Variants in TEX36 observed in about 807,000 individuals in gnomAD.
TEX36 encodes testis-expressed protein 36.
Under a neutral mutation model 13.6 loss-of-function variants are expected in TEX36, and 12 were observed. That is an observed-to-expected ratio of 0.88 (90% CI 0.56 to 1.43). TEX36 has a LOEUF of 1.43. TEX36 is among the 40% of genes most tolerant of loss of function. The pLI is 0.00. For missense variants in TEX36, 224 were observed against 228.3 expected (o/e 0.98, Z 0.12); for synonymous variants, 93 against 83.0 (o/e 1.12, Z -0.65).
intron 3 of TEX36, among the ~76,000 whole-genome samples, chr10:125,642,219 G>A (rs1404531620): frequency 6.6e-6 from 1 of 152,206 alleles, no homozygotes; most frequent in Non-Finnish European, 1.5e-5. Flanking sequence ...GGAGAACAAA[G>A]CTCCTACATG....
chr10:125,625,915 G>A (rs1179040165), intron 3 of TEX36, among the ~76,000 whole-genome samples: 1 of 152,206 alleles, frequency 6.6e-6, no homozygotes, highest in Non-Finnish European at 1.5e-5. Flanking sequence ...GGTTCTGTCG[G>A]AGTTGGTATA....
downstream of TEX36, among the ~76,000 whole-genome samples, chr10:125,618,201 A>C (rs1250429667): frequency 1.3e-5 from 2 of 151,838 alleles, no homozygotes; most frequent in African/African-American, 2.4e-5. Flanking sequence ...AATTTTTTTC[A>C]AAGTTTTCAA....
chr10:125,617,450 C>T (rs1029844364), downstream of TEX36, among the ~76,000 whole-genome samples: 6 of 152,146 alleles, frequency 3.9e-5, no homozygotes, highest in Non-Finnish European at 1.5e-5. Context: ...ATGCTTAGCG[C>T]TTCCTTCAGG....
intron 3 of TEX36, among the ~76,000 whole-genome samples, chr10:125,615,385 T>A (rs536733205): frequency 6.6e-6 from 1 of 152,252 alleles, no homozygotes; most frequent in South Asian, 2.1e-4. Context: ...ATACTTCCAG[T>A]TTTTGCCCAT....
chr10:125,589,427 C>G (rs1845996772), intron 3 of TEX36, among the ~76,000 whole-genome samples: 1 of 152,106 alleles, frequency 6.6e-6, no homozygotes, highest in Non-Finnish European at 1.5e-5. Context: ...TGTCTTATAC[C>G]TGACTTTAAG....
intron 1 of TEX36, among the ~76,000 whole-genome samples, chr10:125,678,668 T>C (rs1341305342): frequency 6.6e-6 from 1 of 152,110 alleles, no homozygotes; most frequent in Non-Finnish European, 1.5e-5. Flanking sequence ...GTGGTTGCGA[T>C]GGGCTGGGCA....
chr10:125,612,526 T>C (rs1369024444), intron 3 of TEX36, among the ~76,000 whole-genome samples: 1 of 152,216 alleles, frequency 6.6e-6, no homozygotes, highest in Admixed American at 6.5e-5. Flanking sequence ...TATGTATGTA[T>C]ATATACACAC....
At chr10:125,615,389 T>A (rs1266608344) in intron 3 of TEX36, among the ~76,000 whole-genome samples, 1 of 152,186 alleles carries the variant, frequency 6.6e-6, no homozygotes, top group Non-Finnish European at 1.5e-5. Flanking sequence ...TTCCAGTTTT[T>A]GCCCATTCAG....
chr10:125,584,398 A>C (rs1845918583), intron 3 of TEX36, among the ~76,000 whole-genome samples: 1 of 152,276 alleles, frequency 6.6e-6, no homozygotes, highest in Non-Finnish European at 1.5e-5. Flanking sequence ...GAGTATAAAA[A>C]TAATCCTCGT....
rs143606542 is a variant in TEX36 at position 125,633,077 on chromosome 10, T to C, written c.265-11432A>G. Among the ~76,000 whole-genome samples, 22 of 152,252 alleles carry C rather than the reference T, an allele frequency of 1.4e-4. No homozygotes were observed. The East Asian group carries it at 4.1e-3, about 28-fold the overall frequency. On this transcript the variant is annotated intron_variant, in intron 3 of 3. Transcript: ENST00000526819. ...AGGTAGAGGTTGCGGTCAGCCGAGATTGTGCCACTGCACTCCAATCTGGGT... is the reference window on the plus strand; with the variant it reads ...AGGTAGAGGTTGCGGTCAGCCGAGACTGTGCCACTGCACTCCAATCTGGGT...
At chr10:125,616,884 G>C (rs1203882798), downstream of TEX36, among the ~76,000 whole-genome samples, 42 of 150,236 alleles carry the variant, frequency 2.8e-4, no homozygotes, top group Non-Finnish European at 5.1e-4. Context: ...TGACAGTGGG[G>C]TGTTAAAGTC....
intron 3 of TEX36, among the ~76,000 whole-genome samples, chr10:125,642,735 T>C (rs562403544): frequency 6.6e-6 from 1 of 152,330 alleles, no homozygotes; most frequent in Non-Finnish European, 1.5e-5. Flanking sequence ...GGTGGTAATA[T>C]GTCCAACACC....
intron 3 of TEX36, among the ~76,000 whole-genome samples, chr10:125,615,969 T>C (rs1196272821): frequency 1.3e-5 from 2 of 152,204 alleles, no homozygotes; most frequent in African/African-American, 2.4e-5. Flanking sequence ...GCTCCTGTTA[T>C]TGGTCTATTC....
At chr10:125,629,262 A>G (rs2133566128) in intron 3 of TEX36, among the ~76,000 whole-genome samples, 2 of 152,342 alleles carry the variant, frequency 1.3e-5, no homozygotes, top group Middle Eastern at 3.4e-3. Context: ...TCTGAAGTTC[A>G]TATGAGATAT....
intron 3 of TEX36, among the ~76,000 whole-genome samples, chr10:125,630,325 T>TG (rs1173359189): frequency 6.6e-6 from 1 of 152,142 alleles, no homozygotes; most frequent in African/African-American, 2.4e-5. Flanking sequence ...GCTCAAAGTC[T>TG]GGGGGCTGGA....
exon 4 of TEX36, chr10:125,621,631 T>C (rs1424287668): frequency 4.4e-6 from 2 of 456,024 alleles, no homozygotes; most frequent in South Asian, 3.1e-5. Context: ...AGTCCCACGA[T>C]AGGCCATCTG....
In TEX36 at chr10:125,600,360, C is replaced by T. The variant is rs933594516; in HGVS notation, c.265-23486G>A. 2.0e-5 allele frequency among the ~76,000 whole-genome samples: 3 copies of T among 151,926 alleles called. No individual in the cohort carries two copies. In the East Asian group the frequency reaches 5.8e-4, roughly 29 times the overall value. ...TAGGGAGGGAAGAGATCTGGGTGGGCAGACTCAAAGAGAGGTGGAAAGATG... is the reference window on the plus strand; with the variant it reads ...TAGGGAGGGAAGAGATCTGGGTGGGTAGACTCAAAGAGAGGTGGAAAGATG... On this transcript the variant is annotated intron_variant, in intron 3 of 3. Transcript: ENST00000532135.
intron 3 of TEX36, among the ~76,000 whole-genome samples, chr10:125,609,368 A>G (rs921104942): frequency 2.0e-5 from 3 of 152,110 alleles, no homozygotes; most frequent in Non-Finnish European, 4.4e-5. Flanking sequence ...ACTGCTAGCT[A>G]GTCACCCAGC....
At chr10:125,670,247 C>T (rs1847201888) in intron 1 of TEX36, among the ~76,000 whole-genome samples, 2 of 152,204 alleles carry the variant, frequency 1.3e-5, no homozygotes, top group South Asian at 4.1e-4. Flanking sequence ...CATAGCCTCA[C>T]TAGCATCTGT....
Sources: gnomAD v4.1 joint callset for allele counts (sites outside exome capture counted in the v4.1 genomes callset) on GRCh38, gnomAD v4.1.1 for gene constraint, MANE v1.5 for transcripts, NCBI Gene and HGNC (gene_info 2026-07-23, HGNC 2026-07-21) for gene names.